The following LALBA variants were observed in gnomAD, a reference collection of about 807,000 sequenced individuals.
LALBA encodes the protein lactalbumin alpha, also known as alpha-lactalbumin.
A neutral mutation model predicts 13.4 loss-of-function variants in LALBA; 12 were observed. The ratio of observed to expected loss-of-function variants is 0.89; its 90% CI spans 0.57 to 1.45. The LOEUF (loss-of-function observed/expected upper bound fraction) is 1.45, where lower values mean the gene tolerates loss of function less well. LALBA is among the 40% of genes most tolerant of loss of function. LALBA has a pLI of 0.00. For missense variants in LALBA, 145 were observed against 165.9 expected (o/e 0.87, Z 0.69); for synonymous variants, 64 against 61.0 (o/e 1.05, Z -0.23).
chr12:48,569,800 T>A, intron 1 of LALBA, 88 bp downstream of exon 1: 1 of 1,278,450 alleles, frequency 7.8e-7, no homozygotes, highest in Non-Finnish European at 1.1e-6. Flanking sequence ...GATAATTAAG[T>A]AAAAGTGGAG....
chr12:48,568,031 AGGGG>A lies in LALBA; in HGVS notation c.369-18_369-15del, dbSNP rs1938588642. On this transcript the variant is annotated splice_polypyrimidine_tract_variant and intron_variant, in intron 3 of 3. Transcript: ENST00000301046. ...TTATGGGCCAACCTGATAATGGAGAAGGGGGACAAGGTGAGTTAGCTGACTGAAT... is the reference window on the plus strand; with the variant it reads ...TTATGGGCCAACCTGATAATGGAGAAGACAAGGTGAGTTAGCTGACTGAAT... The A allele has an allele frequency of 6.3e-7, 1 of 1,584,390 alleles. No individual in the cohort carries two copies. The highest frequency in any genetic ancestry group is 8.6e-7 in the Non-Finnish European group (1 of 1,162,894).
In LALBA at chr12:48,569,876, C is replaced by G; in HGVS notation, c.133+12G>C. On this transcript the variant is annotated intron_variant, in intron 1 of 3. Coordinates refer to ENST00000301046, the MANE Select transcript of LALBA (RefSeq NM_002289.3). ...ATGAGGAATGGATGAAACACAGAGG[C>G]AGGGAACTCACATTCAGGCAAAGCG... 1 of 1,613,340 alleles carries G rather than the reference C, an allele frequency of 6.2e-7. No homozygotes were observed. The highest frequency in any genetic ancestry group is 2.2e-5 in the East Asian group (1 of 44,840).
At chr12:48,570,406 CA>C (rs1938619011), upstream of LALBA, among the ~76,000 whole-genome samples, 1 of 152,108 alleles carries the variant, frequency 6.6e-6, no homozygotes, top group Admixed American at 6.6e-5. Context: ...TCAGAAAATA[CA>C]ATAAAGTTCT....
In LALBA at chr12:48,570,006, G is replaced by A; in HGVS notation, c.15C>T (p.Val5=). 6.2e-7 allele frequency: 1 copy of A among 1,614,024 alleles called. No individual in the cohort carries two copies. Among genetic ancestry groups the A allele is most frequent in the Non-Finnish European group, 8.5e-7 (1 of 1,179,978 alleles). MRFF[V]PLFLVGILFP... The stretch of plus-strand genomic sequence containing the variant: ...ACAGGATGCCCACCAGGAACAGAGG[G>A]ACAAAGAACCTCATTTTGGCTACCC... Residue 5 remains valine, a synonymous_variant, in exon 1 of 4, where the codon GTC becomes GTT. Coordinates refer to ENST00000301046, the MANE Select transcript of LALBA (RefSeq NM_002289.3).
intron 3 of LALBA, 70 bp downstream of exon 3, chr12:48,568,447 G>A: frequency 1.1e-6 from 1 of 874,114 alleles, no homozygotes; most frequent in South Asian, 1.3e-5. Context: ...AGGGTAAGAG[G>A]AAAGGGGTGC....
Position 48,567,979 on chromosome 12 carries a change from T to A in LALBA, c.407A>T (p.Gln136Leu), listed in dbSNP as rs1049554612. Residue 136 changes from glutamine (Q) to leucine (L), a missense_variant, in exon 4 of 4, where the codon CAG (glutamine) becomes CTG (leucine). By Grantham distance (113) the Gln-to-Leu change is moderately radical (BLOSUM62 -2). Transcript: ENST00000301046. ...HKALCTEKLE[Q>L]WLCEKL ...CACTCACAACTTCTCACAAAGCCAC[T>A]GTTCCAGCTTCTCAGTGCAGAGGGC... 2 of 1,605,780 alleles carry A rather than the reference T, an allele frequency of 1.2e-6. No homozygotes were observed. Among genetic ancestry groups the A allele is most frequent in the Non-Finnish European group, 1.7e-6 (2 of 1,176,512 alleles).
Position 48,569,106 on chromosome 12 carries a change from T to C in LALBA, c.268A>G (p.Asn90Asp), listed in dbSNP as rs1161572019. ...CTGTCACAGGAGATGTCACAGATGT[T>C]CCTTGACTGAGGGACCTGGCTGCTC... ...CKSSQVPQSRNICDISCDKFL... is the reference protein window; with the variant it reads ...CKSSQVPQSRDICDISCDKFL... Residue 90 changes from asparagine to aspartate, a missense_variant, in exon 2 of 4, where the codon AAC (asparagine) becomes GAC (aspartate). Coordinates refer to ENST00000301046, the MANE Select transcript of LALBA (RefSeq NM_002289.3). 6.2e-7 allele frequency: 1 copy of C among 1,613,126 alleles called. No homozygotes were observed. Among genetic ancestry groups the C allele is most frequent in the East Asian group, 2.2e-5 (1 of 44,838 alleles).
At chr12:48,570,423 G>A (rs1390271057), upstream of LALBA, among the ~76,000 whole-genome samples, 4 of 152,072 alleles carry the variant, frequency 2.6e-5, no homozygotes, top group African/African-American at 7.2e-5. Flanking sequence ...GTTCTATACC[G>A]AGCTTCCCCC....
chr12:48,571,447 C>G (rs560747300), upstream of LALBA, among the ~76,000 whole-genome samples: 63 of 127,584 alleles, frequency 4.9e-4, no homozygotes, highest in South Asian at 0.015. Context: ...TGCAGTGGCG[C>G]GATCTTGGCT....
chr12:48,568,216 A>G (rs933904964), intron 3 of LALBA, 199 bp from the exon 4 acceptor site: 7 of 622,628 alleles, frequency 1.1e-5, no homozygotes, highest in African/African-American at 3.7e-5. Flanking sequence ...AAGAGATGCA[A>G]TGTTACCAAC....
Position 48,569,930 on chromosome 12 carries a change from GCAGCTGGGA to G in LALBA, c.82_90del (p.Ser28_Leu30del). 6.2e-7 allele frequency: 1 copy of G among 1,614,086 alleles called. No individual in the cohort carries two copies. Among genetic ancestry groups the G allele is most frequent in the East Asian group, 2.2e-5 (1 of 44,878 alleles). On this transcript the variant is annotated inframe_deletion, in exon 1 of 4. Coordinates refer to ENST00000301046, the MANE Select transcript of LALBA (RefSeq NM_002289.3). ...CCTCCATAACCATCTATGTCTTTCA[GCAGCTGGGA>G]CAGCTCACATTTTGTGAATTGCTTG...
intron 3 of LALBA, 64 bp from the exon 4 acceptor site, chr12:48,568,081 G>T: frequency 7.8e-7 from 1 of 1,275,308 alleles, no homozygotes; most frequent in South Asian, 1.3e-5. Flanking sequence ...ATTCCCAGGA[G>T]GGCTGAAGTG....
At chr12:48,568,830 C>A (rs1938597835) in intron 2 of LALBA, among the ~76,000 whole-genome samples, 1 of 152,176 alleles carries the variant, frequency 6.6e-6, no homozygotes, top group Non-Finnish European at 1.5e-5. Context: ...CCTGAAAATG[C>A]AGACAATCAG....
In LALBA at chr12:48,569,865, A is replaced by G. The variant is rs773326041; in HGVS notation, c.133+23T>C. ...GAGAGAAGCGTATGAGGAATGGATGAAACACAGAGGCAGGGAACTCACATT... is the reference window on the plus strand; with the variant it reads ...GAGAGAAGCGTATGAGGAATGGATGGAACACAGAGGCAGGGAACTCACATT... On this transcript the variant is annotated intron_variant, in intron 1 of 3. Transcript: ENST00000301046. 1.4e-5 allele frequency: 22 copies of G among 1,612,752 alleles called. No individual in the cohort carries two copies. The South Asian group carries it at 1.9e-4, about 14-fold the overall frequency.
upstream of LALBA, among the ~76,000 whole-genome samples, chr12:48,570,641 A>T (rs1305989087): frequency 6.6e-6 from 1 of 152,174 alleles, no homozygotes; most frequent in Admixed American, 6.5e-5. Context: ...TATAACTTGG[A>T]TCTTAAGACT....
intron 3 of LALBA, 61 bp from the exon 4 acceptor site, chr12:48,568,078 G>A: frequency 1.5e-6 from 2 of 1,337,190 alleles, no homozygotes; most frequent in East Asian, 4.8e-5. Context: ...TTCATTCCCA[G>A]GAGGGCTGAA....
chr12:48,569,388 A>C, intron 1 of LALBA, 148 bp from the exon 2 acceptor site: 1 of 677,424 alleles, frequency 1.5e-6, no homozygotes, highest in Non-Finnish European at 2.5e-6. Context: ...AATTCCAAAA[A>C]AAAATCAGAC....
Position 48,569,160 on chromosome 12 carries a change from A to C in LALBA, c.214T>G (p.Phe72Val). ...ENNESTEYGL[F>V]QISNKLWCKS... Reference sequence around the variant, plus strand: ...CACCAAAGCTTATTACTGATCTGGAAGAGTCCATATTCCGTGCTTTCATTG... The same window carrying C: ...CACCAAAGCTTATTACTGATCTGGACGAGTCCATATTCCGTGCTTTCATTG... Residue 72 changes from phenylalanine (F) to valine (V), a missense_variant, in exon 2 of 4, where the codon TTC becomes GTC. Coordinates refer to ENST00000301046, the MANE Select transcript of LALBA (RefSeq NM_002289.3). 1.2e-6 allele frequency: 2 copies of C among 1,613,734 alleles called. No individual in the cohort carries two copies. Among genetic ancestry groups the C allele is most frequent in the Non-Finnish European group, 1.7e-6 (2 of 1,179,744 alleles).
Position 48,569,119 on chromosome 12 carries a change from G to A in LALBA, c.255C>T (p.Val85=), listed in dbSNP as rs1938601451. ...SNKLWCKSSQ[V]PQSRNICDIS... Reference sequence around the variant, plus strand: ...TGTCACAGATGTTCCTTGACTGAGGGACCTGGCTGCTCTTGCACCAAAGCT... The same window carrying A: ...TGTCACAGATGTTCCTTGACTGAGGAACCTGGCTGCTCTTGCACCAAAGCT... Residue 85 remains valine, a synonymous_variant, in exon 2 of 4, where the codon GTC becomes GTT. Coordinates refer to ENST00000301046, the MANE Select transcript of LALBA (RefSeq NM_002289.3). 1 of 1,613,484 alleles carries A rather than the reference G, an allele frequency of 6.2e-7. No homozygotes were observed. Among genetic ancestry groups the A allele is most frequent in the Non-Finnish European group, 8.5e-7 (1 of 1,179,832 alleles).
Sources: allele counts gnomAD v4.1 joint callset (sites outside exome capture counted in the v4.1 genomes callset), GRCh38; gene constraint gnomAD v4.1.1; transcripts MANE v1.5; gene names NCBI Gene and HGNC (gene_info 2026-07-23, HGNC 2026-07-21).